The following TEX9 variants were observed in gnomAD, a reference collection of about 807,000 sequenced individuals.
TEX9 encodes the protein testis-expressed protein 9.
TEX9 carries 74 observed loss-of-function variants against 59.6 expected under a neutral mutation model. The ratio of observed to expected loss-of-function variants is 1.24; its 90% CI spans 1.03 to 1.51. TEX9 has a LOEUF of 1.51. Among genes scored for constraint, TEX9 ranks in the 40% most tolerant of loss-of-function variants. The pLI is 0.00. For missense variants in TEX9, 522 were observed against 447.8 expected, an observed-to-expected ratio of 1.17 and a Z score of -1.49; for synonymous variants, 186 against 152.2, an observed-to-expected ratio of 1.22 and a Z score of -1.64.
intron 7 of TEX9, 30 bp from the exon 8 acceptor site, chr15:56,394,135 G>A: frequency 1.3e-6 from 2 of 1,579,754 alleles, no homozygotes; most frequent in East Asian, 2.3e-5. Context: ...TTCAGCAAAA[G>A]ACAGTAAATA....
At chr15:56,393,730 C>T (rs1344849529) in intron 7 of TEX9, 2 of 155,042 alleles carry the variant, frequency 1.3e-5, no homozygotes, top group Non-Finnish European at 2.8e-5. Context: ...GCTTCAAAGA[C>T]ACATATACTA....
At chr15:56,408,421 A>G (rs143002340) in intron 9 of TEX9, 1 of 152,282 alleles carries the variant, frequency 6.6e-6, no homozygotes, top group East Asian at 1.9e-4. Context: ...TCCTGGCCTT[A>G]CGTAGTAGAG....
At chr15:56,331,833 AGAAGACATTT>A (rs2046152126) in intron 1 of TEX9, among the ~76,000 whole-genome samples, 1 of 151,012 alleles carries the variant, frequency 6.6e-6, no homozygotes, top group African/African-American at 2.4e-5. Flanking sequence ...ACTTCTCAAA[AGAAGACATTT>A]ATGCAGCCAA....
rs560545059 is a variant in TEX9 at position 56,344,953 on chromosome 15, A to G, written c.-106-28488A>G. ...ATGACTGTTACTATTACCCCAACTC[A>G]GTCTACTCAGTATCTTCACCTTGTT... On this transcript the variant is annotated intron_variant, in intron 1 of 5. Transcript: ENST00000560827. Among the ~76,000 whole-genome samples, 15 of 151,002 alleles carry G rather than the reference A, an allele frequency of 9.9e-5. No homozygotes were observed. The Admixed American group carries it at 9.9e-4, about 10-fold the overall frequency.
Position 56,327,013 on chromosome 15 carries a change from C to A in TEX9, c.-106-46428C>A, listed in dbSNP as rs560234052. Among the ~76,000 whole-genome samples the A allele has an allele frequency of 2.6e-5, 4 of 152,206 alleles. No individual in the cohort carries two copies. The East Asian group carries it at 7.7e-4, about 29-fold the overall frequency. On this transcript the variant is annotated intron_variant, in intron 1 of 5. Coordinates refer to the TEX9 transcript ENST00000560827. The stretch of plus-strand genomic sequence containing the variant: ...AAGAACTTACCCGTGTAACCAAATA[C>A]CACCTGTTCCCCAAAAACTATTGAA...
At chr15:56,277,048 G>T (rs181605266) in intron 1 of TEX9, among the ~76,000 whole-genome samples, 24 of 151,656 alleles carry the variant, frequency 1.6e-4, no homozygotes, top group East Asian at 9.7e-4. Context: ...GTTTAAGATC[G>T]TTGTAGATTC....
intron 9 of TEX9, among the ~76,000 whole-genome samples, chr15:56,400,358 T>G (rs115331399): frequency 0.03 from 4,531 of 152,104 alleles, 221 homozygotes; most frequent in African/African-American, 0.1. Context: ...CAATAGCCAA[T>G]TTGATCAAGT....
chr15:56,265,709 A>G (rs184192038), intron 1 of TEX9, among the ~76,000 whole-genome samples: 2 of 152,292 alleles, frequency 1.3e-5, no homozygotes, highest in Admixed American at 6.5e-5. Context: ...TATACTTCAT[A>G]TGATTTTTAA....
chr15:56,246,281 C>T (rs1463544222), intron 1 of TEX9, among the ~76,000 whole-genome samples: 2 of 152,090 alleles, frequency 1.3e-5, no homozygotes, highest in African/African-American at 4.8e-5. Context: ...CTTCCAGGAC[C>T]TACAGGGAGT....
chr15:56,302,617 A>G (rs1260350038), intron 1 of TEX9, among the ~76,000 whole-genome samples: 1 of 152,196 alleles, frequency 6.6e-6, no homozygotes, highest in Admixed American at 6.5e-5. Flanking sequence ...TCACCTTCAC[A>G]AAAAGAAAGG....
chr15:56,276,332 C>T (rs1456579562), intron 1 of TEX9, among the ~76,000 whole-genome samples: 1 of 152,000 alleles, frequency 6.6e-6, no homozygotes, highest in Non-Finnish European at 1.5e-5. Context: ...CTCCTCTTGC[C>T]CCCCACACCT....
At chr15:56,260,603 TATG>T (rs1431502870) in intron 1 of TEX9, among the ~76,000 whole-genome samples, 3 of 152,118 alleles carry the variant, frequency 2.0e-5, no homozygotes, top group Non-Finnish European at 2.9e-5. Flanking sequence ...CCAAATTGGT[TATG>T]ATATGTTATC....
chr15:56,395,011 T>G (rs1358994847), intron 9 of TEX9, 177 bp downstream of exon 9: 2 of 644,298 alleles, frequency 3.1e-6, no homozygotes, highest in Non-Finnish European at 5.2e-6. Flanking sequence ...TTCACCCTTT[T>G]AAAGTATGCA....
At chr15:56,302,320 TACACAC>T (rs56766153) in intron 1 of TEX9, among the ~76,000 whole-genome samples, 1,779 of 135,770 alleles carry the variant, frequency 0.013, 41 homozygotes, top group African/African-American at 0.044. Context: ...AGACACTGTT[TACACAC>T]ACACACACAC....
chr15:56,328,442 G>A (rs1205372377), intron 1 of TEX9, among the ~76,000 whole-genome samples: 2 of 152,174 alleles, frequency 1.3e-5, no homozygotes, highest in African/African-American at 4.8e-5. Flanking sequence ...TTATGTACCA[G>A]CTCAGCCACA....
chr15:56,378,644 T>A lies in TEX9; in HGVS notation c.183+5140T>A, dbSNP rs116205740. ...TTAGTCTGTTAATTTTGCTCATCTT[T>A]AAAAAAAACCAACTTTTTGTTTCAT... On this transcript the variant is annotated intron_variant, in intron 3 of 12. Transcript: ENST00000352903. Among the ~76,000 whole-genome samples, 1,320 of 152,098 alleles carry A rather than the reference T, an allele frequency of 8.7e-3. 22 individuals are homozygous for A. Among genetic ancestry groups the A allele is most frequent in the African/African-American group, 0.03 (1,245 of 41,516 alleles).
At chr15:56,260,027 T>C (rs2044228006) in intron 1 of TEX9, among the ~76,000 whole-genome samples, 1 of 152,136 alleles carries the variant, frequency 6.6e-6, no homozygotes, top group South Asian at 2.1e-4. Flanking sequence ...TAGTATTGTT[T>C]AAAATTTTTT....
chr15:56,413,225 A>G (rs2049470951), intron 10 of TEX9, among the ~76,000 whole-genome samples: 1 of 116,666 alleles, frequency 8.6e-6, no homozygotes. Context: ...AAATAATTTA[A>G]TTTATTTAAT....
At chr15:56,257,988 C>A (rs1596046635) in intron 1 of TEX9, among the ~76,000 whole-genome samples, 1 of 151,964 alleles carries the variant, frequency 6.6e-6, no homozygotes, top group East Asian at 1.9e-4. Flanking sequence ...GAAGTGTCCA[C>A]TTTCAGTTTT....
Sources: allele counts gnomAD v4.1 joint callset (sites outside exome capture counted in the v4.1 genomes callset), GRCh38; gene constraint gnomAD v4.1.1; transcripts MANE v1.5; gene names NCBI Gene and HGNC (gene_info 2026-07-23, HGNC 2026-07-21).